DTNB: variants seen among roughly 807,000 people sequenced by gnomAD.
The protein encoded by DTNB is dystrobrevin beta.
DTNB carries 63 observed loss-of-function variants against 90.7 expected under a neutral mutation model. That is an observed-to-expected ratio of 0.69 (90% CI 0.57 to 0.86). DTNB has a LOEUF of 0.86. DTNB is among the 40% of genes least tolerant of loss of function. The pLI is 0.00. For synonymous variants in DTNB, 277 were observed against 286.7 expected (o/e 0.97, Z 0.34); for missense variants, 744 against 807.1 (o/e 0.92, Z 0.95).
At chr2:25,578,560 C>G (rs6737456) in intron 7 of DTNB, among the ~76,000 whole-genome samples, 10,667 of 152,172 alleles carry the variant, frequency 0.07, 1,222 homozygotes, top group African/African-American at 0.24. Context: ...ATTCTCCTAC[C>G]TTCTCTTCCA....
chr2:25,451,453 G>T, intron 12 of DTNB, 95 bp downstream of exon 12: 1 of 1,318,482 alleles, frequency 7.6e-7, no homozygotes, highest in Non-Finnish European at 1.0e-6. Context: ...CGAGGTACCT[G>T]TTCTCCTAAA....
intron 7 of DTNB, among the ~76,000 whole-genome samples, chr2:25,578,271 T>C (rs1170215181): frequency 6.6e-6 from 1 of 152,210 alleles, no homozygotes; most frequent in African/African-American, 2.4e-5. Context: ...CAAAGGATAT[T>C]ACTTCTAAGA....
rs79459338 is a variant in DTNB, at chr2:25,552,929, C to A, written c.877-21332G>T. 4.7e-3 allele frequency among the ~76,000 whole-genome samples: 620 copies of A among 132,464 alleles called. 26 individuals carry two copies. The East Asian group carries it at 0.11, about 24-fold the overall frequency. The allele number at this position is 132,464 out of a possible 152,430, so 86.9% of individuals were successfully genotyped here. ...ACTGCGGACTGCAGTGGCGCAATCTCGGCTCACTGCAAGCTCCGCTTCCCG... is the reference window on the plus strand; with the variant it reads ...ACTGCGGACTGCAGTGGCGCAATCTAGGCTCACTGCAAGCTCCGCTTCCCG... On this transcript the variant is annotated intron_variant, in intron 8 of 20. Transcript: ENST00000406818.
chr2:25,449,418 G>A (rs945564541), intron 12 of DTNB, among the ~76,000 whole-genome samples: 1 of 152,172 alleles, frequency 6.6e-6, no homozygotes, highest in African/African-American at 2.4e-5. Flanking sequence ...TTCCAAAGTA[G>A]CTGTATGATT....
intron 8 of DTNB, among the ~76,000 whole-genome samples, chr2:25,540,725 T>G (rs2151013296): frequency 6.6e-6 from 1 of 152,274 alleles, no homozygotes; most frequent in South Asian, 2.1e-4. Flanking sequence ...TGGGATCCTG[T>G]TGATCTATGA....
intron 8 of DTNB, among the ~76,000 whole-genome samples, chr2:25,546,526 G>T (rs910514498): frequency 1.3e-5 from 2 of 152,126 alleles, no homozygotes; most frequent in South Asian, 4.1e-4. Context: ...AGAAATATTA[G>T]TTCCACTTAC....
intron 9 of DTNB, among the ~76,000 whole-genome samples, chr2:25,499,989 G>A (rs2070115074): frequency 6.6e-6 from 1 of 152,108 alleles, no homozygotes. Flanking sequence ...TCAAACTCCT[G>A]AGCTGAAGGG....
chr2:25,596,448 T>G, intron 5 of DTNB: 1 of 378,198 alleles, frequency 2.6e-6, no homozygotes, highest in Middle Eastern at 7.2e-4. Context: ...TCCACTCACT[T>G]AATATTCTAC....
chr2:25,462,578 T>C (rs2061138074), intron 10 of DTNB, among the ~76,000 whole-genome samples: 1 of 152,226 alleles, frequency 6.6e-6, no homozygotes, highest in Non-Finnish European at 1.5e-5. Context: ...TTTTGTAGAC[T>C]GTTGGGAAGA....
Position 25,652,595 on chromosome 2 carries a change from C to T in DTNB, c.66G>A (p.Met22Ile). 6.2e-7 allele frequency: 1 copy of T among 1,611,272 alleles called. No homozygotes were observed. The highest frequency in any genetic ancestry group is 8.5e-7 in the Non-Finnish European group (1 of 1,179,214). Residue 22 changes from methionine (M) to isoleucine (I), a missense_variant and splice_region_variant, in exon 2 of 21, where the codon ATG (methionine) becomes ATA (isoleucine). Coordinates refer to ENST00000406818, the MANE Select transcript of DTNB (RefSeq NM_021907.5). The part of the protein sequence containing the change: ...MAEKRQLFIE[M>I]RAQNFDVIRL... Reference sequence around the variant, plus strand: ...TATGAACAAGGACTCAAGACTCACGCATTTCTATGAACAGCTGCCTCTTCT... The same window carrying T: ...TATGAACAAGGACTCAAGACTCACGTATTTCTATGAACAGCTGCCTCTTCT...
At chr2:25,650,115 A>G (rs918314298) in intron 2 of DTNB, 5 of 985,328 alleles carry the variant, frequency 5.1e-6, no homozygotes, top group Non-Finnish European at 6.0e-6. Flanking sequence ...ACAAAGAAGT[A>G]AACCCAGTTC....
chr2:25,563,796 A>G (rs1367564192), intron 8 of DTNB, among the ~76,000 whole-genome samples: 1 of 152,234 alleles, frequency 6.6e-6, no homozygotes, highest in African/African-American at 2.4e-5. Context: ...TCTCAATTCT[A>G]TCTTCATGCC....
At chr2:25,518,221 A>G (rs1352509545) in intron 9 of DTNB, among the ~76,000 whole-genome samples, 1 of 152,210 alleles carries the variant, frequency 6.6e-6, no homozygotes, top group African/African-American at 2.4e-5. Flanking sequence ...CCACAATAAA[A>G]AAAAAGAATA....
At chr2:25,478,069 G>T (rs1224958847) in intron 10 of DTNB, among the ~76,000 whole-genome samples, 1 of 149,686 alleles carries the variant, frequency 6.7e-6, no homozygotes, top group East Asian at 1.9e-4. Flanking sequence ...TGGTGTTTCA[G>T]GACGAAACAG....
intron 1 of DTNB, chr2:25,672,920 T>G (rs1046047249): frequency 6.6e-6 from 1 of 152,310 alleles, no homozygotes; most frequent in Non-Finnish European, 1.5e-5. Context: ...ATTAGGCGCC[T>G]CGGGAAACAG....
intron 8 of DTNB, among the ~76,000 whole-genome samples, chr2:25,547,840 A>G (rs1287185984): frequency 6.6e-6 from 1 of 152,102 alleles, no homozygotes; most frequent in East Asian, 1.9e-4. Flanking sequence ...AATATTTTTA[A>G]CTTGCTTATT....
chr2:25,381,197 A>ATGTGCG (rs1001743776), intron 19 of DTNB, among the ~76,000 whole-genome samples: 27 of 151,834 alleles, frequency 1.8e-4, no homozygotes, highest in African/African-American at 6.5e-4. Context: ...GTGCATGTGC[A>ATGTGCG]TGTGCGTGTG....
intron 16 of DTNB, among the ~76,000 whole-genome samples, chr2:25,406,170 A>C (rs1225256183): frequency 6.6e-6 from 1 of 152,064 alleles, no homozygotes; most frequent in Non-Finnish European, 1.5e-5. Flanking sequence ...AGGGGTTCTG[A>C]GAATGCCGTG....
intron 5 of DTNB, among the ~76,000 whole-genome samples, chr2:25,597,075 T>G (rs1053668939): frequency 3.3e-5 from 5 of 152,202 alleles, no homozygotes; most frequent in Non-Finnish European, 7.3e-5. Context: ...AAGTCAAATA[T>G]GCACAGAAAA....
Sources: gnomAD v4.1 joint callset for allele counts (sites outside exome capture counted in the v4.1 genomes callset) on GRCh38, gnomAD v4.1.1 for gene constraint, MANE v1.5 for transcripts, NCBI Gene and HGNC (gene_info 2026-07-23, HGNC 2026-07-21) for gene names.